ADAM22: variants seen among roughly 807,000 people sequenced by gnomAD.
ADAM22 encodes disintegrin and metalloproteinase domain-containing protein 22.
ADAM22 carries 65 observed loss-of-function variants against 144.6 expected under a neutral mutation model. The ratio of observed to expected loss-of-function variants is 0.45; its 90% CI spans 0.37 to 0.55. ADAM22 has a LOEUF of 0.55. Ranked by LOEUF, ADAM22 falls within the 20% of genes least tolerant of loss-of-function variation. The probability of loss-of-function intolerance (pLI) is 0.00; values close to 1 mark genes in which losing one functional copy is unlikely to be tolerated. For synonymous variants in ADAM22, 391 were observed against 412.6 expected, an observed-to-expected ratio of 0.95 and a Z score of 0.63; for missense variants, 974 against 1,184.9, an observed-to-expected ratio of 0.82 and a Z score of 2.61.
chr7:88,148,159 T>G (rs992471102), intron 17 of ADAM22, among the ~76,000 whole-genome samples: 5 of 152,096 alleles, frequency 3.3e-5, no homozygotes, highest in African/African-American at 9.7e-5. Flanking sequence ...AAAGCTTATC[T>G]AGAAAGTGAG....
At chr7:88,053,545 CAAAAA>C (rs1172849605) in intron 3 of ADAM22, among the ~76,000 whole-genome samples, 3 of 103,298 alleles carry the variant, frequency 2.9e-5, no homozygotes, top group African/African-American at 1.1e-4. Flanking sequence ...CAGGATAACT[CAAAAA>C]AGAAAGAAAG....
At chr7:88,113,710 A>ATATG (rs1826866336) in intron 5 of ADAM22, among the ~76,000 whole-genome samples, 1 of 101,494 alleles carries the variant, frequency 9.9e-6, no homozygotes, top group African/African-American at 4.3e-5. Flanking sequence ...ATAAATATAT[A>ATATG]TATATATATA....
chr7:88,137,692 G>A (rs955176746), intron 14 of ADAM22, among the ~76,000 whole-genome samples: 2 of 151,988 alleles, frequency 1.3e-5, no homozygotes, highest in Non-Finnish European at 2.9e-5. Context: ...AAATTTTTGA[G>A]GGATTACTTA....
chr7:88,159,868 A>T (rs1168173831), intron 22 of ADAM22, among the ~76,000 whole-genome samples: 15 of 151,886 alleles, frequency 9.9e-5, no homozygotes. Flanking sequence ...CTCTCTCACC[A>T]CTCCTATTCA....
intron 3 of ADAM22, among the ~76,000 whole-genome samples, chr7:87,995,503 C>G (rs1790953787): frequency 2.0e-5 from 3 of 152,160 alleles, no homozygotes; most frequent in Admixed American, 6.5e-5. Flanking sequence ...TACCTGGGTC[C>G]CTTCCTACTC....
At chr7:88,022,484 T>C (rs1056447395) in intron 3 of ADAM22, among the ~76,000 whole-genome samples, 8 of 152,204 alleles carry the variant, frequency 5.3e-5, no homozygotes, top group Non-Finnish European at 1.2e-4. Context: ...AATCAGATTG[T>C]TTCAATTGGA....
chr7:88,112,343 A>T (rs141050282), intron 5 of ADAM22, among the ~76,000 whole-genome samples: 1 of 152,356 alleles, frequency 6.6e-6, no homozygotes, highest in African/African-American at 2.4e-5. Flanking sequence ...GAATTTGGAT[A>T]GAGGCAGAAC....
At position 88,146,853 on chromosome 7, in the gene ADAM22, C is replaced by T. The variant is rs144459708; in HGVS notation, c.1485+1346C>T. On this transcript the variant is annotated intron_variant, in intron 17 of 31. Transcript: ENST00000413139. ...TGTGTCTCCTGGCAGCTTTTTAAGA[C>T]GAGCAGGCACTGGCAGAGATCTCTG... Among the ~76,000 whole-genome samples the T allele has an allele frequency of 6.1e-4, 93 of 152,246 alleles. No individual in the cohort carries two copies. The East Asian group carries it at 8.3e-3, about 14-fold the overall frequency.
intron 3 of ADAM22, among the ~76,000 whole-genome samples, chr7:88,001,058 A>G (rs1463894033): frequency 6.6e-6 from 1 of 152,210 alleles, no homozygotes; most frequent in African/African-American, 2.4e-5. Flanking sequence ...GTTAGATTTT[A>G]TGTGATATCC....
chr7:88,145,615 T>C (rs919839965), intron 17 of ADAM22, 108 bp downstream of exon 17: 8 of 844,780 alleles, frequency 9.5e-6, no homozygotes, highest in Non-Finnish European at 1.5e-5. Context: ...TAACATATAT[T>C]AAATGAGTAA....
intron 17 of ADAM22, among the ~76,000 whole-genome samples, chr7:88,147,974 T>C (rs1837045592): frequency 6.6e-6 from 1 of 152,186 alleles, no homozygotes; most frequent in Admixed American, 6.6e-5. Context: ...GTTAGAACAG[T>C]GCTTGGCACG....
chr7:88,117,234 T>C (rs1281113774), intron 7 of ADAM22, among the ~76,000 whole-genome samples: 1 of 152,228 alleles, frequency 6.6e-6, no homozygotes, highest in African/African-American at 2.4e-5. Flanking sequence ...TAACTTTTAT[T>C]ATCATTATGT....
At chr7:88,052,126 A>C (rs1383212214) in intron 3 of ADAM22, among the ~76,000 whole-genome samples, 2 of 152,202 alleles carry the variant, frequency 1.3e-5, no homozygotes, top group South Asian at 2.1e-4. Flanking sequence ...TGTCCCTGCT[A>C]TCCACTTCAC....
intron 4 of ADAM22, among the ~76,000 whole-genome samples, chr7:88,089,300 A>G (rs1819233587): frequency 6.6e-6 from 1 of 152,156 alleles, no homozygotes; most frequent in Admixed American, 6.6e-5. Flanking sequence ...GGTGTGCAGT[A>G]AATTTTGCTG....
chr7:88,188,232 C>G (rs1188818976), intron 30 of ADAM22, among the ~76,000 whole-genome samples: 1 of 151,972 alleles, frequency 6.6e-6, no homozygotes, highest in Non-Finnish European at 1.5e-5. Context: ...ATTTTTGCAG[C>G]AATAATTTGT....
chr7:88,007,010 C>G (rs1794052468), intron 3 of ADAM22, among the ~76,000 whole-genome samples: 1 of 152,118 alleles, frequency 6.6e-6, no homozygotes. Context: ...ACCCCATTGT[C>G]TCAGCCCAAA....
chr7:87,947,457 T>TA (rs1843973530), intron 2 of ADAM22, among the ~76,000 whole-genome samples: 1 of 151,794 alleles, frequency 6.6e-6, no homozygotes, highest in Admixed American at 6.6e-5. Context: ...TTACTAGAGG[T>TA]AAGACTATGT....
chr7:87,974,617 G>C (rs184246940), intron 2 of ADAM22, among the ~76,000 whole-genome samples: 90 of 152,274 alleles, frequency 5.9e-4, no homozygotes, highest in African/African-American at 2.1e-3. Context: ...CATTGGAGCT[G>C]CTTTTCAAAA....
chr7:87,939,314 T>C (rs1247904322), intron 2 of ADAM22, among the ~76,000 whole-genome samples: 1 of 152,146 alleles, frequency 6.6e-6, no homozygotes, highest in Non-Finnish European at 1.5e-5. Context: ...TTGCAAATAG[T>C]AAAGATTTCA....
Sources: allele counts gnomAD v4.1 joint callset (sites outside exome capture counted in the v4.1 genomes callset), GRCh38; gene constraint gnomAD v4.1.1; transcripts MANE v1.5; gene names NCBI Gene and HGNC (gene_info 2026-07-23, HGNC 2026-07-21).